The following DYM variants were observed in gnomAD, a reference collection of about 807,000 sequenced individuals.
The protein encoded by DYM is dymeclin.
DYM carries 78 observed loss-of-function variants against 93.1 expected under a neutral mutation model. The observed-to-expected ratio is 0.84, with a 90% confidence interval of 0.70 to 1.01. DYM has a LOEUF of 1.01. DYM is among the 50% of genes least tolerant of loss of function. The pLI is 0.00. For missense variants in DYM, 789 were observed against 845.0 expected (o/e 0.93, Z 0.82); for synonymous variants, 321 against 319.7 (o/e 1.00, Z -0.04).
intron 15 of DYM, among the ~76,000 whole-genome samples, chr18:49,121,853 A>G (rs184115386): frequency 1.3e-5 from 2 of 152,280 alleles, no homozygotes; most frequent in East Asian, 1.9e-4. Flanking sequence ...TCAAAAAAAG[A>G]CTTTTTCAGA....
chr18:49,128,175 C>A (rs2083009662), intron 15 of DYM, among the ~76,000 whole-genome samples: 1 of 152,198 alleles, frequency 6.6e-6, no homozygotes, highest in Admixed American at 6.5e-5. Context: ...TGAAATCCAG[C>A]AAAGGTGCAG....
At chr18:49,459,698 A>G (rs1450482355) in intron 1 of DYM, among the ~76,000 whole-genome samples, 1 of 151,998 alleles carries the variant, frequency 6.6e-6, no homozygotes, top group East Asian at 1.9e-4. Context: ...TCATCCCATC[A>G]CTTCTCTACC....
intron 17 of DYM, among the ~76,000 whole-genome samples, chr18:49,081,515 CGAGAGGGAGAGGG>C (rs1478317757): frequency 8.8e-6 from 1 of 113,892 alleles, no homozygotes; most frequent in Non-Finnish European, 1.7e-5. Context: ...AGAGGGAGAC[CGAGAGGGAGAGGG>C]GAGAGGGGAG....
intron 10 of DYM, among the ~76,000 whole-genome samples, chr18:49,281,080 T>C (rs1396286608): frequency 6.6e-6 from 1 of 152,126 alleles, no homozygotes; most frequent in East Asian, 1.9e-4. Context: ...ATCCAGAATC[T>C]GCAATGAACT....
chr18:49,159,914 A>G (rs2086892201), intron 15 of DYM, among the ~76,000 whole-genome samples: 1 of 152,222 alleles, frequency 6.6e-6, no homozygotes, highest in Non-Finnish European at 1.5e-5. Context: ...GTTATAGCTT[A>G]AAAAGCATTC....
At chr18:49,161,825 G>T (rs1342787528) in intron 15 of DYM, among the ~76,000 whole-genome samples, 2 of 152,192 alleles carry the variant, frequency 1.3e-5, no homozygotes, top group Admixed American at 1.3e-4. Context: ...CTGATATCTG[G>T]ACTGGGTACT....
At chr18:49,202,746 C>T (rs1454857930) in intron 14 of DYM, among the ~76,000 whole-genome samples, 17 of 43,470 alleles carry the variant, frequency 3.9e-4, no homozygotes, top group African/African-American at 1.3e-3. Context: ...GTGAGGAGAC[C>T]CTCTGCCTGG....
chr18:49,064,554 G>A (rs921685703), intron 17 of DYM, among the ~76,000 whole-genome samples: 5 of 152,054 alleles, frequency 3.3e-5, no homozygotes, highest in African/African-American at 9.7e-5. Flanking sequence ...TCTGAGGGCC[G>A]CTCTATGATC....
chr18:49,096,051 C>G (rs2079516578), intron 17 of DYM, among the ~76,000 whole-genome samples: 1 of 152,078 alleles, frequency 6.6e-6, no homozygotes, highest in Non-Finnish European at 1.5e-5. Context: ...AAAAATCCCA[C>G]AAAAATACCC....
At chr18:49,352,858 G>C (rs548500359) in intron 6 of DYM, among the ~76,000 whole-genome samples, 1 of 152,100 alleles carries the variant, frequency 6.6e-6, no homozygotes, top group East Asian at 1.9e-4. Context: ...CTGTGCCTAA[G>C]TACATTACTG....
intron 14 of DYM, among the ~76,000 whole-genome samples, chr18:49,174,060 A>C (rs1319127519): frequency 2.6e-5 from 4 of 152,126 alleles, no homozygotes; most frequent in African/African-American, 9.6e-5. Flanking sequence ...ATTTCTTTTC[A>C]TAAATGGCCA....
intron 5 of DYM, among the ~76,000 whole-genome samples, chr18:49,377,625 G>C (rs1235719586): frequency 2.0e-5 from 3 of 152,020 alleles, no homozygotes; most frequent in African/African-American, 7.2e-5. Flanking sequence ...ATTCCCCATA[G>C]ACATGGATAT....
intron 3 of DYM, chr18:49,391,355 G>C: frequency 4.2e-6 from 2 of 475,162 alleles, no homozygotes; most frequent in South Asian, 4.8e-5. Context: ...CAAGACGAAA[G>C]AGTGTCTATG....
At chr18:49,257,683 T>TTA (rs1555663174) in intron 12 of DYM, among the ~76,000 whole-genome samples, 1 of 146,036 alleles carries the variant, frequency 6.8e-6, no homozygotes, top group African/African-American at 2.5e-5. Context: ...TTTGGCTATT[T>TTA]AAAAAAAAAA....
chr18:49,108,282 C>T (rs555849330), intron 16 of DYM, among the ~76,000 whole-genome samples: 11 of 152,326 alleles, frequency 7.2e-5, no homozygotes, highest in Admixed American at 3.3e-4. Flanking sequence ...GGGAGTGACC[C>T]GATTTTCCAG....
At chr18:49,216,778 A>C (rs888019579) in intron 13 of DYM, among the ~76,000 whole-genome samples, 19 of 152,176 alleles carry the variant, frequency 1.2e-4, no homozygotes, top group African/African-American at 4.6e-4. Flanking sequence ...AAAGACCAAA[A>C]GTAGATAAAA....
intron 3 of DYM, among the ~76,000 whole-genome samples, chr18:49,385,051 A>G (rs890636025): frequency 6.6e-6 from 1 of 152,094 alleles, no homozygotes; most frequent in Non-Finnish European, 1.5e-5. Context: ...GGTTAAAGGA[A>G]AAAGTCTCAT....
At chr18:49,322,441 A>T (rs999555505) in intron 8 of DYM, among the ~76,000 whole-genome samples, 8 of 152,114 alleles carry the variant, frequency 5.3e-5, no homozygotes, top group Non-Finnish European at 1.0e-4. Context: ...CCTTTTTTAG[A>T]CATTGGAGAA....
chr18:49,143,313 A>G (rs1568487247), intron 15 of DYM, among the ~76,000 whole-genome samples: 1 of 152,156 alleles, frequency 6.6e-6, no homozygotes, highest in South Asian at 2.1e-4. Flanking sequence ...AGTGCAATGA[A>G]AAGAGAATTT....
Sources: gnomAD v4.1 joint callset for allele counts (sites outside exome capture counted in the v4.1 genomes callset) on GRCh38, gnomAD v4.1.1 for gene constraint, MANE v1.5 for transcripts, NCBI Gene and HGNC (gene_info 2026-07-23, HGNC 2026-07-21) for gene names.